JAKMIP3: variants seen among roughly 807,000 people sequenced by gnomAD.
The protein encoded by JAKMIP3 is janus kinase and microtubule-interacting protein 3.
JAKMIP3 carries 58 observed loss-of-function variants against 118.5 expected under a neutral mutation model. The observed-to-expected ratio is 0.49, with a 90% CI of 0.40 to 0.61. The LOEUF (loss-of-function observed/expected upper bound fraction) is 0.61, where lower values mean the gene tolerates loss of function less well. JAKMIP3 is among the 20% of genes least tolerant of loss of function. The pLI, the probability that JAKMIP3 is intolerant of heterozygous loss-of-function variation, is 0.00. For missense variants in JAKMIP3, 950 were observed against 1,109.0 expected, an observed-to-expected ratio of 0.86 and a Z score of 2.04; for synonymous variants, 486 against 451.2, an observed-to-expected ratio of 1.08 and a Z score of -0.98.
At chr10:132,153,119 G>A (rs936955151) in intron 17 of JAKMIP3, 96 bp downstream of exon 17, 2 of 1,021,940 alleles carry the variant, frequency 2.0e-6, no homozygotes, top group Admixed American at 2.0e-5. Flanking sequence ...AGGAGGGCCT[G>A]CAGGGCCGGG....
intron 1 of JAKMIP3, among the ~76,000 whole-genome samples, chr10:132,039,209 C>T (rs2037632496): frequency 6.6e-6 from 1 of 152,178 alleles, no homozygotes; most frequent in African/African-American, 2.4e-5. Context: ...TGGTCTTGAA[C>T]TCCTGATCTC....
At position 132,135,014 on chromosome 10, in the gene JAKMIP3, G is replaced by A. The variant is rs370324083; in HGVS notation, c.850-27G>A. On this transcript the variant is annotated intron_variant, in intron 4 of 23. Transcript: ENST00000684848. Reference sequence around the variant, plus strand: ...CTTCCCAGGCTTGTGGGTAGGAACCGTTATTTGCAGTTGATTTTTGTTTTA... The same window carrying A: ...CTTCCCAGGCTTGTGGGTAGGAACCATTATTTGCAGTTGATTTTTGTTTTA... 205 of 1,610,578 alleles carry A rather than the reference G, an allele frequency of 1.3e-4. No individual in the cohort carries two copies. In the African/African-American group the frequency reaches 1.7e-3, roughly 13 times the overall value.
At chr10:132,061,677 G>A (rs2038403422), upstream of JAKMIP3, among the ~76,000 whole-genome samples, 1 of 152,224 alleles carries the variant, frequency 6.6e-6, no homozygotes, top group Non-Finnish European at 1.5e-5. Context: ...GTCAGCGGTA[G>A]CACGGGGCTC....
chr10:132,055,595 C>T (rs924598149), intron 1 of JAKMIP3, among the ~76,000 whole-genome samples: 2 of 152,178 alleles, frequency 1.3e-5, no homozygotes, highest in Non-Finnish European at 2.9e-5. Context: ...GCGCAGTTTG[C>T]CCGCCGGCAA....
intron 23 of JAKMIP3, among the ~76,000 whole-genome samples, chr10:132,181,034 C>T (rs1274232315): frequency 6.6e-6 from 1 of 151,838 alleles, no homozygotes; most frequent in Non-Finnish European, 1.5e-5. Context: ...GCTGTTTGCA[C>T]ATGTGCAGGT....
intron 1 of JAKMIP3, among the ~76,000 whole-genome samples, chr10:132,074,549 T>C (rs1413501707): frequency 6.6e-6 from 1 of 152,178 alleles, no homozygotes; most frequent in African/African-American, 2.4e-5. Flanking sequence ...TCTGGTTGAG[T>C]TCTTGGGGTT....
intron 3 of JAKMIP3, among the ~76,000 whole-genome samples, chr10:132,124,177 C>A (rs979078817): frequency 3.3e-5 from 5 of 152,370 alleles, no homozygotes; most frequent in Non-Finnish European, 7.3e-5. Context: ...GGGGGCCCAG[C>A]AGGATTGCCC....
intron 2 of JAKMIP3, among the ~76,000 whole-genome samples, chr10:132,105,910 G>C (rs902943850): frequency 1.3e-5 from 2 of 152,198 alleles, no homozygotes; most frequent in Non-Finnish European, 2.9e-5. Flanking sequence ...CGGTGGAGGG[G>C]AGTCGGGTTA....
chr10:132,113,323 G>T (rs2047147543), intron 2 of JAKMIP3, among the ~76,000 whole-genome samples: 1 of 152,222 alleles, frequency 6.6e-6, no homozygotes, highest in Non-Finnish European at 1.5e-5. Flanking sequence ...AGAAGCCGCT[G>T]GAAGCCTCTC....
chr10:132,145,280 C>A, intron 12 of JAKMIP3, 90 bp downstream of exon 12: 1 of 1,144,574 alleles, frequency 8.7e-7, no homozygotes, highest in Non-Finnish European at 1.3e-6. Flanking sequence ...GTGGTGCGAT[C>A]ATAACTTTCT....
chr10:132,083,319 A>G (rs1016576166), intron 1 of JAKMIP3, among the ~76,000 whole-genome samples: 1 of 152,004 alleles, frequency 6.6e-6, no homozygotes, highest in Non-Finnish European at 1.5e-5. Context: ...TTTGTTGGCC[A>G]TTTGTATATC....
At chr10:132,180,746 C>T (rs796487696) in intron 23 of JAKMIP3, among the ~76,000 whole-genome samples, 4,379 of 10,650 alleles carry the variant, frequency 0.41, 1,359 homozygotes, top group East Asian at 0.86. Flanking sequence ...TGCGTGCGTG[C>T]GCGCGCGTGT....
At chr10:132,173,513 CTG>C (rs1239168938) in intron 23 of JAKMIP3, among the ~76,000 whole-genome samples, 3 of 152,128 alleles carry the variant, frequency 2.0e-5, no homozygotes, top group Non-Finnish European at 2.9e-5. Context: ...ACACACAACA[CTG>C]TTTTCCAAAC....
At chr10:132,142,794 G>A (rs1174508790) in intron 11 of JAKMIP3, among the ~76,000 whole-genome samples, 1 of 152,186 alleles carries the variant, frequency 6.6e-6, no homozygotes, top group African/African-American at 2.4e-5. Flanking sequence ...GGGAGCTGAG[G>A]GGTTCTCCAG....
Position 132,148,988 on chromosome 10 carries a change from C to T in JAKMIP3, c.1849-424C>T, listed in dbSNP as rs574372961. Among the ~76,000 whole-genome samples the T allele has an allele frequency of 5.9e-5, 9 of 152,324 alleles. No homozygotes were observed. The East Asian group carries it at 7.7e-4, about 13-fold the overall frequency. The stretch of plus-strand genomic sequence containing the variant: ...CTCCATGTGTGGACGACCTCGGCCA[C>T]GTGGGCCTGCCTGTGGGGACAGTGG... On this transcript the variant is annotated intron_variant, in intron 14 of 23. Coordinates refer to ENST00000684848, the MANE Select transcript of JAKMIP3 (RefSeq NM_001323087.2).
chr10:132,136,923 G>T (rs1404434567), intron 6 of JAKMIP3, 96 bp from the exon 7 acceptor site: 1 of 1,390,194 alleles, frequency 7.2e-7, no homozygotes. Flanking sequence ...GAGAGTGGCA[G>T]CCCGGGTTGA....
intron 11 of JAKMIP3, among the ~76,000 whole-genome samples, chr10:132,143,102 A>C (rs1050146031): frequency 2.0e-5 from 3 of 150,726 alleles, no homozygotes; most frequent in Admixed American, 2.0e-4. Context: ...GAAAACTAAG[A>C]GAGAGCTCCA....
At chr10:132,072,501 C>T (rs1019734786) in intron 1 of JAKMIP3, among the ~76,000 whole-genome samples, 1 of 152,104 alleles carries the variant, frequency 6.6e-6, no homozygotes, top group Admixed American at 6.5e-5. Context: ...TACCATAGCA[C>T]TCCAACCTGG....
intron 3 of JAKMIP3, among the ~76,000 whole-genome samples, chr10:132,129,074 C>T (rs916448349): frequency 2.6e-5 from 4 of 152,026 alleles, no homozygotes; most frequent in South Asian, 2.1e-4. Flanking sequence ...TGTGAGGCTG[C>T]GCATTATGTT....
Sources: allele counts gnomAD v4.1 joint callset (sites outside exome capture counted in the v4.1 genomes callset), GRCh38; gene constraint gnomAD v4.1.1; transcripts MANE v1.5; gene names NCBI Gene and HGNC (gene_info 2026-07-23, HGNC 2026-07-21).